The following SERPINI1 variants were observed in gnomAD, a reference collection of about 807,000 sequenced individuals.
SERPINI1 encodes the protein serpin family I member 1.
A neutral mutation model predicts 41.1 loss-of-function variants in SERPINI1; 19 were observed. That is an observed-to-expected ratio of 0.46 (90% CI 0.32 to 0.68). The LOEUF (loss-of-function observed/expected upper bound fraction) is 0.68. SERPINI1 is among the 30% of genes least tolerant of loss of function. The pLI is 0.03. For missense variants in SERPINI1, 460 were observed against 479.2 expected (o/e 0.96, Z 0.37); for synonymous variants, 138 against 156.6 (o/e 0.88, Z 0.89).
At chr3:167,761,123 C>T (rs1016691892) in intron 1 of SERPINI1, among the ~76,000 whole-genome samples, 4 of 152,152 alleles carry the variant, frequency 2.6e-5, no homozygotes, top group African/African-American at 7.2e-5. Flanking sequence ...TTCAGACTTT[C>T]GAACAATAGA....
At chr3:167,818,084 G>T (rs559359329) in intron 6 of SERPINI1, among the ~76,000 whole-genome samples, 1 of 152,208 alleles carries the variant, frequency 6.6e-6, no homozygotes, top group South Asian at 2.1e-4. Flanking sequence ...GGAGTGCAAT[G>T]GCATGTTCTC....
chr3:167,815,379 C>A (rs1018896140), intron 6 of SERPINI1, among the ~76,000 whole-genome samples: 1 of 150,108 alleles, frequency 6.7e-6, no homozygotes, highest in African/African-American at 2.5e-5. Flanking sequence ...ATTTCTTTTT[C>A]TTTTTTTTTC....
At chr3:167,795,661 C>T (rs1727686351) in intron 5 of SERPINI1, among the ~76,000 whole-genome samples, 1 of 152,128 alleles carries the variant, frequency 6.6e-6, no homozygotes, top group Non-Finnish European at 1.5e-5. Context: ...TTCACTTATA[C>T]ACCTTTCTGT....
At chr3:167,807,138 A>G in intron 5 of SERPINI1, 106 bp from the exon 6 acceptor site, 1 of 791,532 alleles carries the variant, frequency 1.3e-6, no homozygotes, top group Non-Finnish European at 2.2e-6. Flanking sequence ...AGCATAATTT[A>G]CTCTCCATAA....
At chr3:167,759,400 G>GCATATATATATATATATA (rs1553771738) in intron 1 of SERPINI1, among the ~76,000 whole-genome samples, 30 of 121,162 alleles carry the variant, frequency 2.5e-4, no homozygotes, top group African/African-American at 8.5e-4. Flanking sequence ...AGAAAATGTG[G>GCATATATATATATATATA]TATATATATA....
At chr3:167,758,692 T>TA (rs2108538692) in intron 1 of SERPINI1, among the ~76,000 whole-genome samples, 1 of 152,260 alleles carries the variant, frequency 6.6e-6, no homozygotes, top group Admixed American at 6.5e-5. Context: ...GGATCCTAGA[T>TA]AAAATCCAGG....
chr3:167,742,861 G>A lies in SERPINI1; in HGVS notation c.-19+7038G>A, dbSNP rs554576522. Among the ~76,000 whole-genome samples the A allele has an allele frequency of 1.0e-4, 14 of 137,468 alleles. No homozygotes were observed. The South Asian group carries it at 3.4e-3, about 33-fold the overall frequency. 90.2% of individuals were successfully genotyped at this position (137,468 alleles called of 152,430 possible). On this transcript the variant is annotated intron_variant, in intron 1 of 8. Coordinates refer to ENST00000446050, the MANE Select transcript of SERPINI1 (RefSeq NM_001122752.2). The stretch of plus-strand genomic sequence containing the variant: ...GTGTGTGTGTGTGTGTGTGTGTGTA[G>A]AAGTTTAGCAACTCTAACCTTCCCA...
rs142538526 is a variant in SERPINI1 at position 167,760,514 on chromosome 3, T to G, written c.-19+24691T>G. On this transcript the variant is annotated intron_variant, in intron 1 of 8. Coordinates refer to ENST00000446050, the MANE Select transcript of SERPINI1 (RefSeq NM_001122752.2). ...AACATGCAGCCTCAGCTTTAATTGG[T>G]GAGCTGGTGACAAGAATTTCCTCAG... is the stretch of plus-strand genomic sequence containing the variant. Among the ~76,000 whole-genome samples, 788 of 151,888 alleles carry G rather than the reference T, an allele frequency of 5.2e-3. 3 individuals carry two copies. The highest frequency in any genetic ancestry group is 6.9e-3 in the Non-Finnish European group (472 of 67,974).
chr3:167,740,214 A>G (rs1191530700), intron 1 of SERPINI1, among the ~76,000 whole-genome samples: 2 of 152,004 alleles, frequency 1.3e-5, no homozygotes, highest in Admixed American at 6.6e-5. Context: ...AACTTTTTAT[A>G]GAGATAAGGG....
chr3:167,740,035 G>A (rs1183726736), intron 1 of SERPINI1, among the ~76,000 whole-genome samples: 2 of 135,724 alleles, frequency 1.5e-5, no homozygotes, highest in African/African-American at 2.8e-5. Context: ...TTTTTTTGCC[G>A]CCTTTTTTTT....
intron 1 of SERPINI1, among the ~76,000 whole-genome samples, chr3:167,745,766 C>T (rs1352016678): frequency 6.6e-6 from 1 of 152,008 alleles, no homozygotes. Flanking sequence ...TATACACTAA[C>T]AGTGAATATC....
chr3:167,808,954 A>G (rs1711760484), intron 6 of SERPINI1, among the ~76,000 whole-genome samples: 2 of 152,186 alleles, frequency 1.3e-5, no homozygotes, highest in South Asian at 4.1e-4. Flanking sequence ...TCTAGCAATG[A>G]GTTGATACTA....
At chr3:167,753,558 A>G (rs1041839070) in intron 1 of SERPINI1, among the ~76,000 whole-genome samples, 3 of 152,146 alleles carry the variant, frequency 2.0e-5, no homozygotes, top group East Asian at 1.9e-4. Flanking sequence ...TTGGGACCCT[A>G]TGAAGATTGG....
At chr3:167,751,578 T>A (rs1207580577) in intron 1 of SERPINI1, among the ~76,000 whole-genome samples, 1 of 152,162 alleles carries the variant, frequency 6.6e-6, no homozygotes, top group Non-Finnish European at 1.5e-5. Context: ...AAATTTGAGA[T>A]GTGTTAAATT....
chr3:167,775,679 GA>G (rs1217236829), intron 1 of SERPINI1, among the ~76,000 whole-genome samples: 8 of 141,532 alleles, frequency 5.7e-5, no homozygotes, highest in African/African-American at 2.2e-4. Flanking sequence ...ATATCTCCTT[GA>G]ACAATGTAGA....
intron 1 of SERPINI1, among the ~76,000 whole-genome samples, chr3:167,746,477 T>A (rs1032771587): frequency 9.9e-5 from 15 of 152,158 alleles, no homozygotes; most frequent in Non-Finnish European, 2.1e-4. Flanking sequence ...AGATAAGCCA[T>A]ATAATGGGAG....
intron 1 of SERPINI1, among the ~76,000 whole-genome samples, chr3:167,739,861 T>A (rs1725616024): frequency 6.6e-6 from 1 of 152,198 alleles, no homozygotes; most frequent in Non-Finnish European, 1.5e-5. Flanking sequence ...AATTTTTACT[T>A]CATTATGATA....
At chr3:167,766,950 A>G (rs1726585518) in intron 1 of SERPINI1, among the ~76,000 whole-genome samples, 1 of 152,354 alleles carries the variant, frequency 6.6e-6, no homozygotes, top group Admixed American at 6.5e-5. Context: ...GAGAAGCTGC[A>G]GCAAGTTATC....
intron 1 of SERPINI1, among the ~76,000 whole-genome samples, chr3:167,752,349 C>G (rs1726071966): frequency 6.6e-6 from 1 of 152,112 alleles, no homozygotes; most frequent in East Asian, 1.9e-4. Context: ...TCATGATCCC[C>G]TATCTCACCC....
Sources: gnomAD v4.1 joint callset for allele counts (sites outside exome capture counted in the v4.1 genomes callset) on GRCh38, gnomAD v4.1.1 for gene constraint, MANE v1.5 for transcripts, NCBI Gene and HGNC (gene_info 2026-07-23, HGNC 2026-07-21) for gene names.